NKAIN2: variants seen among roughly 807,000 people sequenced by gnomAD.
The protein encoded by NKAIN2 is sodium/potassium-transporting ATPase subunit beta-1-interacting protein 2.
In NKAIN2, 14 loss-of-function variants were observed where a neutral mutation model predicts 32.6. That is an observed-to-expected ratio of 0.43 (90% confidence interval 0.28 to 0.67). The LOEUF (loss-of-function observed/expected upper bound fraction) is 0.67, where lower values mean the gene tolerates loss of function less well. Ranked by LOEUF, NKAIN2 falls within the 30% of genes least tolerant of loss-of-function variation. The pLI, the probability that NKAIN2 is intolerant of heterozygous loss-of-function variation, is 0.17. For synonymous variants in NKAIN2, 80 were observed against 87.2 expected (o/e 0.92, Z 0.46); for missense variants, 198 against 258.3 (o/e 0.77, Z 1.60).
Position 124,430,627 on chromosome 6 carries a change from G to A in NKAIN2, c.273+75280G>A, listed in dbSNP as rs1196807726. 2.6e-5 allele frequency among the ~76,000 whole-genome samples: 4 copies of A among 151,714 alleles called. No individual in the cohort carries two copies. The South Asian group carries it at 6.2e-4, about 24-fold the overall frequency. On this transcript the variant is annotated intron_variant, in intron 3 of 6. Transcript: ENST00000368417. ...TTCTCCAACATGGTAGCTTCAGATA[G>A]TATTCTTGCATGGTAGCTCAGAGCT...
chr6:124,071,550 G>A (rs138679894), intron 1 of NKAIN2, among the ~76,000 whole-genome samples: 3,001 of 152,154 alleles, frequency 0.02, 36 homozygotes, highest in South Asian at 0.03. Context: ...CCTACAGAAT[G>A]GGAGAAAATA....
At chr6:124,682,909 C>T (rs1773690679) in intron 4 of NKAIN2, among the ~76,000 whole-genome samples, 1 of 152,152 alleles carries the variant, frequency 6.6e-6, no homozygotes, top group Non-Finnish European at 1.5e-5. Flanking sequence ...ACATATCAAA[C>T]CACGTCTGAC....
chr6:124,466,341 T>G (rs1264006276), intron 3 of NKAIN2, among the ~76,000 whole-genome samples: 1 of 152,134 alleles, frequency 6.6e-6, no homozygotes, highest in Non-Finnish European at 1.5e-5. Flanking sequence ...GTAAGCTACT[T>G]TTAGCATGCA....
At chr6:124,009,137 T>C (rs1780208800) in intron 1 of NKAIN2, among the ~76,000 whole-genome samples, 1 of 152,202 alleles carries the variant, frequency 6.6e-6, no homozygotes, top group Non-Finnish European at 1.5e-5. Context: ...AGCTTTGTTC[T>C]TTCCCCTCTT....
At chr6:124,671,620 C>T (rs980242340) in intron 4 of NKAIN2, among the ~76,000 whole-genome samples, 10 of 152,062 alleles carry the variant, frequency 6.6e-5, no homozygotes, top group Admixed American at 6.6e-4. Context: ...TTCTGATCAA[C>T]AATCTGTTTT....
intron 1 of NKAIN2, among the ~76,000 whole-genome samples, chr6:123,973,520 G>A (rs1778428233): frequency 6.6e-6 from 1 of 152,036 alleles, no homozygotes; most frequent in Admixed American, 6.6e-5. Flanking sequence ...GTTAACCAAT[G>A]GATGATTTCA....
chr6:124,275,462 T>G (rs1212482089), intron 1 of NKAIN2, among the ~76,000 whole-genome samples: 1 of 149,204 alleles, frequency 6.7e-6, no homozygotes, highest in Non-Finnish European at 1.5e-5. Context: ...TTGGAAAGCT[T>G]TATTGTGATG....
At chr6:123,832,038 G>T (rs1479172936) in intron 1 of NKAIN2, among the ~76,000 whole-genome samples, 2 of 152,102 alleles carry the variant, frequency 1.3e-5, no homozygotes, top group African/African-American at 4.8e-5. Context: ...ATATTCTGTG[G>T]ATTTGGACAA....
intron 1 of NKAIN2, among the ~76,000 whole-genome samples, chr6:123,807,290 G>T (rs1308193969): frequency 6.6e-6 from 1 of 152,014 alleles, no homozygotes; most frequent in Non-Finnish European, 1.5e-5. Flanking sequence ...TGAGTTGTAT[G>T]GTTATGCCAA....
At chr6:124,362,103 C>T (rs964080383) in intron 3 of NKAIN2, among the ~76,000 whole-genome samples, 1 of 151,896 alleles carries the variant, frequency 6.6e-6, no homozygotes, top group Non-Finnish European at 1.5e-5. Context: ...CAAAGACTAC[C>T]TATAATAATT....
intron 4 of NKAIN2, among the ~76,000 whole-genome samples, chr6:124,764,392 A>G (rs1238367767): frequency 6.6e-6 from 1 of 152,188 alleles, no homozygotes; most frequent in African/African-American, 2.4e-5. Flanking sequence ...TATATTTGTC[A>G]ATGTTATGAT....
At chr6:124,455,134 T>G (rs1236292665) in intron 3 of NKAIN2, among the ~76,000 whole-genome samples, 1 of 152,062 alleles carries the variant, frequency 6.6e-6, no homozygotes, top group African/African-American at 2.4e-5. Context: ...AGGTTACTCA[T>G]CGGTGTTCTG....
Position 124,823,552 on chromosome 6 carries a change from T to C in NKAIN2, c.*323T>C. The C allele has an allele frequency of 3.4e-6, 1 of 292,606 alleles. No individual in the cohort carries two copies. The highest frequency in any genetic ancestry group is 7.0e-5 in the South Asian group (1 of 14,238). The allele number at this position is 292,606 out of a possible 1,614,324, so 18.1% of individuals were successfully genotyped here. Reference sequence around the variant, plus strand: ...AAGGAGATGTGTTGATGCCCAACGGTTGCCGGCCATTGCTAACTCCTCTGC... The same window carrying C: ...AAGGAGATGTGTTGATGCCCAACGGCTGCCGGCCATTGCTAACTCCTCTGC... On this transcript the variant is annotated 3_prime_UTR_variant, in exon 7 of 7. Coordinates refer to ENST00000368417, the MANE Select transcript of NKAIN2 (RefSeq NM_001040214.3).
chr6:124,346,580 A>G (rs1345144832), intron 2 of NKAIN2, among the ~76,000 whole-genome samples: 8 of 151,952 alleles, frequency 5.3e-5, no homozygotes, highest in Admixed American at 3.9e-4. Context: ...TCCCTTTACC[A>G]TTATGTAATG....
At chr6:124,195,151 G>A (rs990673903) in intron 1 of NKAIN2, among the ~76,000 whole-genome samples, 22 of 151,242 alleles carry the variant, frequency 1.5e-4, no homozygotes, top group Admixed American at 4.6e-4. Context: ...CCTTTGAATA[G>A]CCTTTTTTAT....
At chr6:123,832,415 A>G (rs1044839749) in intron 1 of NKAIN2, among the ~76,000 whole-genome samples, 3 of 152,218 alleles carry the variant, frequency 2.0e-5, no homozygotes, top group Admixed American at 2.0e-4. Flanking sequence ...GGTAATTATG[A>G]ATAAGACAGC....
intron 1 of NKAIN2, among the ~76,000 whole-genome samples, chr6:124,239,535 A>G (rs1188216639): frequency 6.6e-6 from 1 of 152,126 alleles, no homozygotes; most frequent in Non-Finnish European, 1.5e-5. Flanking sequence ...CGAAAATCAT[A>G]AAAAACAGTC....
chr6:124,273,721 G>A (rs537032016), intron 1 of NKAIN2, among the ~76,000 whole-genome samples: 1 of 152,210 alleles, frequency 6.6e-6, no homozygotes, highest in Admixed American at 6.5e-5. Context: ...AAAGCCCATG[G>A]CCATTCCTCT....
At chr6:124,804,674 C>A (rs557519543) in intron 5 of NKAIN2, among the ~76,000 whole-genome samples, 1 of 152,214 alleles carries the variant, frequency 6.6e-6, no homozygotes. Flanking sequence ...TGTGCGTGAG[C>A]CGAAGCAGGG....
Sources: gnomAD v4.1 joint callset for allele counts (sites outside exome capture counted in the v4.1 genomes callset) on GRCh38, gnomAD v4.1.1 for gene constraint, MANE v1.5 for transcripts, NCBI Gene and HGNC (gene_info 2026-07-23, HGNC 2026-07-21) for gene names.